The following TF variants were observed in gnomAD, a reference collection of about 807,000 sequenced individuals.
TF encodes the protein serotransferrin.
In TF, 55 loss-of-function variants were observed where a neutral mutation model predicts 82.4. The ratio of observed to expected loss-of-function variants is 0.67; its 90% CI spans 0.54 to 0.84. TF has a LOEUF of 0.84. TF is among the 40% of genes least tolerant of loss of function. The probability of loss-of-function intolerance (pLI) is 0.00; values close to 1 mark genes in which losing one functional copy is unlikely to be tolerated. For missense variants in TF, 737 were observed against 868.4 expected (o/e 0.85, Z 1.90); for synonymous variants, 332 against 332.6 (o/e 1.00, Z 0.02).
chr3:133,684,905 A>G, the TF span, among the ~76,000 whole-genome samples: 5 of 152,248 alleles, frequency 3.3e-5, no homozygotes, highest in African/African-American at 7.2e-5. Flanking sequence ...CAACAAAAAA[A>G]GAGAATTTTA....
At position 133,789,776 on chromosome 3, in the gene TF, C is replaced by G. The variant is rs1934781503; in HGVS notation, c.*11156C>G. 6.7e-6 allele frequency: 1 copy of G among 149,082 alleles called. No individual in the cohort carries two copies. The highest frequency in any genetic ancestry group is 2.5e-5 in the African/African-American group (1 of 40,016). 9.2% of individuals were successfully genotyped at this position (149,082 alleles called of 1,614,324 possible). Reference sequence around the variant, plus strand: ...CAGAATTGTCAGCATATATTTTTGTCTGGGTTTTATATTTGTCTCTGCTAG... The same window carrying G: ...CAGAATTGTCAGCATATATTTTTGTGTGGGTTTTATATTTGTCTCTGCTAG... On this transcript the variant is annotated 3_prime_UTR_variant, in exon 17 of 17. Transcript: ENST00000402696.
At chr3:133,766,011 A>T (rs1467074241) in intron 11 of TF, among the ~76,000 whole-genome samples, 1 of 152,168 alleles carries the variant, frequency 6.6e-6, no homozygotes, top group African/African-American at 2.4e-5. Context: ...TTATAACTTC[A>T]GTGACTTTAT....
chr3:133,699,472 A>G, the TF span: 1 of 1,237,222 alleles, frequency 8.1e-7, no homozygotes, highest in South Asian at 1.2e-5. Flanking sequence ...GCTGACAAGG[A>G]CCAGTATGAG....
In TF at chr3:133,793,845, T is replaced by A. The variant is rs1934904819; in HGVS notation, c.*15225T>A. On this transcript the variant is annotated 3_prime_UTR_variant, in exon 17 of 17. Transcript: ENST00000402696. Reference sequence around the variant, plus strand: ...TCTTGAATACAGGTTTCTAATAAGTTTAGAATTATATCATTTGAACTGGGT... The same window carrying A: ...TCTTGAATACAGGTTTCTAATAAGTATAGAATTATATCATTTGAACTGGGT... 6.6e-6 allele frequency: 1 copy of A among 152,140 alleles called. No homozygotes were observed. Among genetic ancestry groups the A allele is most frequent in the Non-Finnish European group, 1.5e-5 (1 of 68,008 alleles). The allele number at this position is 152,140 out of a possible 1,614,324, so 9.4% of individuals were successfully genotyped here.
chr3:133,746,683 T>G (rs1374459497), intron 1 of TF, among the ~76,000 whole-genome samples, 200 bp downstream of exon 1: 1 of 152,146 alleles, frequency 6.6e-6, no homozygotes, highest in East Asian at 1.9e-4. Flanking sequence ...CTCACTGTCT[T>G]CTCCCCCTCC....
chr3:133,761,952 GA>G, intron 9 of TF: 1 of 161,008 alleles, frequency 6.2e-6, no homozygotes. Context: ...CTTTAATACT[GA>G]AAAACCACAT....
At position 133,793,460 on chromosome 3, in the gene TF, AT is replaced by A. The variant is rs1934895641; in HGVS notation, c.*14843del. On this transcript the variant is annotated 3_prime_UTR_variant, in exon 17 of 17. Transcript: ENST00000402696. The stretch of plus-strand genomic sequence containing the variant: ...ATCCAAAAGAGAGGTAAACAGAATT[AT>A]TTGACATGTTTAATTACATGGGAAG... 6.6e-6 allele frequency: 1 copy of A among 152,126 alleles called. No homozygotes were observed. Among genetic ancestry groups the A allele is most frequent in the Non-Finnish European group, 1.5e-5 (1 of 68,002 alleles). 9.4% of individuals were successfully genotyped at this position (152,126 alleles called of 1,614,324 possible).
chr3:133,781,905 T>C lies in TF; in HGVS notation c.*3285T>C, dbSNP rs1559881741. 6.6e-6 allele frequency: 1 copy of C among 152,204 alleles called. No homozygotes were observed. The highest frequency in any genetic ancestry group is 2.1e-4 in the South Asian group (1 of 4,838). The allele number at this position is 152,204 out of a possible 1,614,324, so 9.4% of individuals were successfully genotyped here. A position where few individuals can be genotyped will look rare whatever the true frequency, so the allele number is the denominator to read the frequency against. ...GATTGGAAAAAATATTTGCAAACTA[T>C]ATATCTAATAAGATACAACAAATTG... On this transcript the variant is annotated 3_prime_UTR_variant, in exon 17 of 17. Transcript: ENST00000402696.
At chr3:133,722,375 C>T in the TF span, among the ~76,000 whole-genome samples, 1 of 152,052 alleles carries the variant, frequency 6.6e-6, no homozygotes, top group Non-Finnish European at 1.5e-5. Context: ...CACCCTCTAT[C>T]TTTTAATTTG....
rs1553742162 is a variant in TF at position 133,786,234 on chromosome 3, A to AAAAAAC, written c.*7619_*7620insCAAAAA. ...TAAAAAAATAAATTAAAAAAAAAAAAAAAAAACAATACTATTTTTTGAACT... is the reference window on the plus strand; with the variant it reads ...TAAAAAAATAAATTAAAAAAAAAAAAAAAAACAAAAAACAATACTATTTTTTGAACT... On this transcript the variant is annotated 3_prime_UTR_variant, in exon 17 of 17. Coordinates refer to ENST00000402696, the MANE Select transcript of TF (RefSeq NM_001063.4). 2.6e-5 allele frequency: 2 copies of AAAAAAC among 77,300 alleles called. No homozygotes were observed. The highest frequency in any genetic ancestry group is 6.9e-5 in the African/African-American group (2 of 28,818). 4.8% of individuals were successfully genotyped at this position (77,300 alleles called of 1,614,324 possible). A position where few individuals can be genotyped will look rare whatever the true frequency, so the allele number is the denominator to read the frequency against.
At chr3:133,767,327 T>A (rs1396545740) in intron 12 of TF, among the ~76,000 whole-genome samples, 1 of 152,202 alleles carries the variant, frequency 6.6e-6, no homozygotes, top group Non-Finnish European at 1.5e-5. Context: ...TCCTAAGTAC[T>A]TTGTCCCTGC....
chr3:133,739,213 G>A, the TF span, among the ~76,000 whole-genome samples: 999 of 152,300 alleles, frequency 6.6e-3, 8 homozygotes, highest in African/African-American at 0.022. Flanking sequence ...AAGCAATGGG[G>A]AAAGGATTCC....
intron 3 of TF, 25 bp from the exon 4 acceptor site, chr3:133,754,470 T>C (rs1933767621): frequency 6.2e-7 from 1 of 1,613,500 alleles, no homozygotes; most frequent in African/African-American, 1.3e-5. Context: ...GCTGAGGGCC[T>C]TCCATTCACA....
rs529815270 is a variant in TF at position 133,778,980 on chromosome 3, G to A, written c.*360G>A. ...AGACATCTTTTCTAAAAGGGTCTGC[G>A]TGATCATTAAAATATAATCAAATGT... On this transcript the variant is annotated 3_prime_UTR_variant, in exon 17 of 17. Coordinates refer to ENST00000402696, the MANE Select transcript of TF (RefSeq NM_001063.4). 5.3e-5 allele frequency: 16 copies of A among 299,690 alleles called. No individual in the cohort carries two copies. Among genetic ancestry groups the A allele is most frequent in the African/African-American group, 1.5e-4 (7 of 46,042 alleles). The allele number at this position is 299,690 out of a possible 1,614,324, so 18.6% of individuals were successfully genotyped here.
At chr3:133,766,174 A>C in intron 11 of TF, 104 bp from the exon 12 acceptor site, 1 of 1,089,622 alleles carries the variant, frequency 9.2e-7, no homozygotes, top group East Asian at 2.4e-5. Flanking sequence ...AGACACAATG[A>C]CTGATTGAGG....
the TF span, chr3:133,709,963 G>A: frequency 6.6e-6 from 1 of 152,450 alleles, no homozygotes; most frequent in Non-Finnish European, 1.5e-5. Flanking sequence ...AGCAAGACCA[G>A]CCTGGATGCG....
the TF span, among the ~76,000 whole-genome samples, chr3:133,720,181 C>G: frequency 3.3e-5 from 5 of 152,048 alleles, no homozygotes; most frequent in African/African-American, 1.2e-4. Context: ...TCTTCCTGAT[C>G]TTAAAGGGAA....
the TF span, among the ~76,000 whole-genome samples, chr3:133,664,332 T>C: frequency 6.6e-6 from 1 of 152,292 alleles, no homozygotes; most frequent in Admixed American, 6.5e-5. Flanking sequence ...ACTTTTTTTT[T>C]CTTTTTTTTG....
the TF span, among the ~76,000 whole-genome samples, chr3:133,683,007 G>C: frequency 0.19 from 28,678 of 152,104 alleles, 2,930 homozygotes; most frequent in African/African-American, 0.25. Context: ...CTGATCTCGC[G>C]GCAGAAACTC....
Sources: gnomAD v4.1 joint callset for allele counts (sites outside exome capture counted in the v4.1 genomes callset) on GRCh38, gnomAD v4.1.1 for gene constraint, MANE v1.5 for transcripts, NCBI Gene and HGNC (gene_info 2026-07-23, HGNC 2026-07-21) for gene names.